MELTF: variants seen among roughly 807,000 people sequenced by gnomAD.
MELTF encodes antigen p97 (melanoma associated) identified by monoclonal antibodies 133.2 and 96.5.
In MELTF, 67 loss-of-function variants were observed where a neutral mutation model predicts 83.7. The observed-to-expected ratio is 0.80, with a 90% CI of 0.66 to 0.98. The LOEUF is 0.98. Ranked by LOEUF, MELTF falls within the 50% of genes least tolerant of loss-of-function variation. The pLI is 0.00. For missense variants in MELTF, 1,002 were observed against 1,035.6 expected (o/e 0.97, Z 0.44); for synonymous variants, 462 against 447.6 (o/e 1.03, Z -0.41).
At chr3:197,009,202 T>A (rs937995648) in intron 11 of MELTF, among the ~76,000 whole-genome samples, 3 of 152,194 alleles carry the variant, frequency 2.0e-5, no homozygotes, top group African/African-American at 7.2e-5. Context: ...AGCCTTCACT[T>A]GAACTCCCTC....
intron 9 of MELTF, 49 bp from the exon 10 acceptor site, chr3:197,010,843 T>G: frequency 1.3e-6 from 2 of 1,561,312 alleles, no homozygotes; most frequent in South Asian, 2.2e-5. Context: ...CCAGGATGGC[T>G]CTGGATGTCG....
rs1577922062 is a variant in MELTF, at chr3:197,003,411, C to G, written c.2178G>C (p.Leu726=). 13 of 1,105,414 alleles carry G rather than the reference C, an allele frequency of 1.2e-5. No homozygotes were observed. In the East Asian group the frequency reaches 6.7e-4, roughly 57 times the overall value. 68.5% of individuals were successfully genotyped at this position (1,105,414 alleles called of 1,614,324 possible). Residue 726 remains leucine, a synonymous_variant, in exon 16 of 16, where the codon CTG becomes CTC. Coordinates refer to ENST00000296350, the MANE Select transcript of MELTF (RefSeq NM_005929.6). The surrounding 1 kb of genome is among the most constrained non-coding windows in gnomAD (Gnocchi z 6.2). Reference sequence around the variant, plus strand: ...GGAGCAGGCGGGCGGCGAGGGCGGGCAGCAGCAGCGGGAGCAGGGGCGCCC... The same window carrying G: ...GGAGCAGGCGGGCGGCGAGGGCGGGGAGCAGCAGCGGGAGCAGGGGCGCCC... ...APGAPLLPLL[L]PALAARLLPP... is the part of the protein sequence containing the mutation.
chr3:197,011,559 G>C lies in MELTF; in HGVS notation c.1234-765C>G, dbSNP rs1719187866. 6.6e-6 allele frequency among the ~76,000 whole-genome samples: 1 copy of C among 152,176 alleles called. No homozygotes were observed. The highest frequency in any genetic ancestry group is 2.4e-5 in the African/African-American group (1 of 41,448). On this transcript the variant is annotated intron_variant, in intron 9 of 15. Transcript: ENST00000296350. This position sits in a 1 kb window ranked among gnomAD's most constrained non-coding sequence, Gnocchi z 4.2. ...GGTGTCCCACGCCATTCCTGAAGAGGCATGAAGTGATGGCGGTTAATAACA... is the reference window on the plus strand; with the variant it reads ...GGTGTCCCACGCCATTCCTGAAGAGCCATGAAGTGATGGCGGTTAATAACA...
intron 7 of MELTF, among the ~76,000 whole-genome samples, chr3:197,016,652 G>A (rs969183865): frequency 5.9e-5 from 9 of 152,248 alleles, no homozygotes; most frequent in South Asian, 2.1e-4. Context: ...AGGACACGCC[G>A]TGGGGCTGGT....
rs368990741 is a variant in MELTF at position 197,024,422 on chromosome 3, G to A, written c.368C>T (p.Thr123Ile). 4.0e-5 allele frequency: 64 copies of A among 1,610,602 alleles called. No homozygotes were observed. The African/African-American group carries it at 6.8e-4, about 17-fold the overall frequency. The change falls in exon 4 of 16, where the codon ACC (threonine) becomes ATC (isoleucine). Residue 123 changes from threonine to isoleucine, a missense_variant. By Grantham distance (89) the Thr-to-Ile change is moderately conservative. Coordinates refer to ENST00000296350, the MANE Select transcript of MELTF (RefSeq NM_005929.6). This position sits in a 1 kb window ranked among gnomAD's most constrained non-coding sequence, Gnocchi z 5.3. ...GTGGCAGGACTTCACGCCTTTCAGG[G>A]TGTCAATGGTCACATGGGAGCTCCT... Reference protein sequence around the residue: ...VRRSSHVTIDTLKGVKSCHTG... With the variant: ...VRRSSHVTIDILKGVKSCHTG...
Position 197,024,545 on chromosome 3 carries a change from A to G in MELTF, c.305-60T>C, listed in dbSNP as rs912308735. The G allele has an allele frequency of 6.8e-6, 10 of 1,465,856 alleles. No homozygotes were observed. Among genetic ancestry groups the G allele is most frequent in the African/African-American group, 1.4e-5 (1 of 71,060 alleles). 90.8% of individuals were successfully genotyped at this position (1,465,856 alleles called of 1,614,324 possible). A position where few individuals can be genotyped will look rare whatever the true frequency, so the allele number is the denominator to read the frequency against. ...GAGAGGCCTCGAGAGAGGCTGCACC[A>G]GCACCCTGCCTGGGCGGGCTGTGGG... On this transcript the variant is annotated intron_variant, in intron 3 of 15. Transcript: ENST00000296350. The surrounding 1 kb of genome is among the most constrained non-coding windows in gnomAD (Gnocchi z 5.3).
At position 197,006,200 on chromosome 3, in the gene MELTF, C is replaced by A. The variant is rs1228223365; in HGVS notation, c.1938+349G>T. Among the ~76,000 whole-genome samples, 1 of 149,756 alleles carries A rather than the reference C, an allele frequency of 6.7e-6. No homozygotes were observed. Among genetic ancestry groups the A allele is most frequent in the Non-Finnish European group, 1.5e-5 (1 of 67,644 alleles). ...AGTGCCACTGCACTCCAGCCTGGGG[C>A]GACAGAGTAAGACTCCGTCTCAAAA... On this transcript the variant is annotated intron_variant, in intron 14 of 15. Transcript: ENST00000296350. This position sits in a 1 kb window ranked among gnomAD's most constrained non-coding sequence, Gnocchi z 5.4.
In MELTF at chr3:197,029,581, C is replaced by A; in HGVS notation, c.49+73G>T. On this transcript the variant is annotated intron_variant, in intron 1 of 15. Transcript: ENST00000296350. The surrounding 1 kb of genome is among the most constrained non-coding windows in gnomAD (Gnocchi z 6.5). Reference sequence around the variant, plus strand: ...CGCAGGCTCAGGCACATTTCCAGCCCCGGGACCTGCTCAGCCGGGCCGCGG... The same window carrying A: ...CGCAGGCTCAGGCACATTTCCAGCCACGGGACCTGCTCAGCCGGGCCGCGG... 8.4e-7 allele frequency: 1 copy of A among 1,186,308 alleles called. No homozygotes were observed. Among genetic ancestry groups the A allele is most frequent in the South Asian group, 3.9e-5 (1 of 25,454 alleles). 73.5% of individuals were successfully genotyped at this position (1,186,308 alleles called of 1,614,324 possible). A position where few individuals can be genotyped will look rare whatever the true frequency, so the allele number is the denominator to read the frequency against.
rs1718843056 is a variant in MELTF at position 197,003,514 on chromosome 3, C to A, written c.2138-63G>T. ...GGCCGCGGTGGCCGCCTCAGGCGCC[C>A]GCTCTGGGGTGGGGGTGGGGGCATC... On this transcript the variant is annotated intron_variant, in intron 15 of 15. Coordinates refer to ENST00000296350, the MANE Select transcript of MELTF (RefSeq NM_005929.6). This position sits in a 1 kb window ranked among gnomAD's most constrained non-coding sequence, Gnocchi z 6.2. 1.6e-5 allele frequency: 2 copies of A among 121,966 alleles called. No homozygotes were observed. The highest frequency in any genetic ancestry group is 2.6e-5 in the Non-Finnish European group (2 of 78,418). 7.6% of individuals were successfully genotyped at this position (121,966 alleles called of 1,614,324 possible).
chr3:197,017,044 C>A, intron 7 of MELTF, 59 bp downstream of exon 7: 2 of 1,567,834 alleles, frequency 1.3e-6, no homozygotes, highest in African/African-American at 1.3e-5. Context: ...TGCTGAGCGA[C>A]CACAAGGCCC....
rs142432296 is a variant in MELTF, at chr3:197,017,199, C to T, written c.804G>A (p.Trp268Ter). 3 of 1,604,090 alleles carry T rather than the reference C, an allele frequency of 1.9e-6. No homozygotes were observed. Among genetic ancestry groups the T allele is most frequent in the African/African-American group, 2.7e-5 (2 of 75,022 alleles). Reference sequence around the variant, plus strand: ...GCACCCGGGCCAGATGGCACTGCCTCCACTCGGTGACATCGGCCCGGCTAC... The same window carrying T: ...GCACCCGGGCCAGATGGCACTGCCTTCACTCGGTGACATCGGCCCGGCTAC... ...RDGSRADVTE[W>*]RQCHLARVPA... The change falls in exon 7 of 16, where the codon TGG (tryptophan) becomes TGA (stop). Residue 268 changes from tryptophan (W) to a stop codon, truncating the protein, a stop_gained. Coordinates refer to ENST00000296350, the MANE Select transcript of MELTF (RefSeq NM_005929.6). LOFTEE classifies it high-confidence loss of function.
At position 197,002,144 on chromosome 3, in the gene MELTF, G is replaced by A. The variant is rs979512919; in HGVS notation, c.*1228C>T. 1.3e-5 allele frequency: 2 copies of A among 151,694 alleles called. No individual in the cohort carries two copies. The highest frequency in any genetic ancestry group is 1.3e-4 in the Admixed American group (2 of 15,264). The allele number at this position is 151,694 out of a possible 1,614,324, so 9.4% of individuals were successfully genotyped here. ...GGGGCGCTGCCAGGGCCTCCTCTGCGGCTGAGAGATGGAAGGGATCCTTCC... is the reference window on the plus strand; with the variant it reads ...GGGGCGCTGCCAGGGCCTCCTCTGCAGCTGAGAGATGGAAGGGATCCTTCC... On this transcript the variant is annotated 3_prime_UTR_variant, in exon 16 of 16. Coordinates refer to ENST00000296350, the MANE Select transcript of MELTF (RefSeq NM_005929.6).
At position 197,003,593 on chromosome 3, in the gene MELTF, C is replaced by T; in HGVS notation, c.2138-142G>A. On this transcript the variant is annotated intron_variant, in intron 15 of 15. Coordinates refer to ENST00000296350, the MANE Select transcript of MELTF (RefSeq NM_005929.6). The surrounding 1 kb of genome is among the most constrained non-coding windows in gnomAD (Gnocchi z 6.2). ...CTCTTTGTGCTCCTTTCCCCTGCTG[C>T]CCTTCCAGATGCGCTCTTTCCAGAA... 1.4e-6 allele frequency: 1 copy of T among 707,822 alleles called. No individual in the cohort carries two copies. Among genetic ancestry groups the T allele is most frequent in the Non-Finnish European group, 2.1e-6 (1 of 473,164 alleles). 43.8% of individuals were successfully genotyped at this position (707,822 alleles called of 1,614,324 possible). A position where few individuals can be genotyped will look rare whatever the true frequency, so the allele number is the denominator to read the frequency against.
In MELTF at chr3:197,003,570, C is replaced by G. The variant is rs1185125619; in HGVS notation, c.2138-119G>C. 8.2e-6 allele frequency: 6 copies of G among 735,126 alleles called. No homozygotes were observed. In the East Asian group the frequency reaches 2.1e-4, roughly 25 times the overall value. 45.5% of individuals were successfully genotyped at this position (735,126 alleles called of 1,614,324 possible). A position where few individuals can be genotyped will look rare whatever the true frequency, so the allele number is the denominator to read the frequency against. The stretch of plus-strand genomic sequence containing the variant: ...GGACCGAACTCGCCGCAGCCTCCCT[C>G]TTTGTGCTCCTTTCCCCTGCTGCCC... On this transcript the variant is annotated intron_variant, in intron 15 of 15. Coordinates refer to ENST00000296350, the MANE Select transcript of MELTF (RefSeq NM_005929.6). This position sits in a 1 kb window ranked among gnomAD's most constrained non-coding sequence, Gnocchi z 6.2.
chr3:197,011,220 T>G lies in MELTF; in HGVS notation c.1234-426A>C, dbSNP rs1023452234. Reference sequence around the variant, plus strand: ...CTGCAATGCCTGTCTGTTAAATGCGTGTACAGATGGAAGAATGACCGGATC... The same window carrying G: ...CTGCAATGCCTGTCTGTTAAATGCGGGTACAGATGGAAGAATGACCGGATC... On this transcript the variant is annotated intron_variant, in intron 9 of 15. Coordinates refer to ENST00000296350, the MANE Select transcript of MELTF (RefSeq NM_005929.6). The surrounding 1 kb of genome is among the most constrained non-coding windows in gnomAD (Gnocchi z 4.2). Among the ~76,000 whole-genome samples, 1 of 152,216 alleles carries G rather than the reference T, an allele frequency of 6.6e-6. No homozygotes were observed. The highest frequency in any genetic ancestry group is 1.9e-4 in the East Asian group (1 of 5,192).
chr3:197,024,446 C>T lies in MELTF; in HGVS notation c.344G>A (p.Arg115Lys). ...TSYYAVAVVR[R>K]SSHVTIDTLK... is the part of the protein sequence containing the mutation. ...GGTGTCAATGGTCACATGGGAGCTC[C>T]TCCTGACCACAGCCACGGCGTAATA... Residue 115 changes from arginine (R) to lysine (K), a missense_variant, in exon 4 of 16, where the codon AGG becomes AAG. Physicochemically the swap from Arg to Lys is conservative, Grantham distance 26. Transcript: ENST00000296350. This position sits in a 1 kb window ranked among gnomAD's most constrained non-coding sequence, Gnocchi z 5.3. 6.2e-7 allele frequency: 1 copy of T among 1,605,014 alleles called. No homozygotes were observed. Among genetic ancestry groups the T allele is most frequent in the Non-Finnish European group, 8.5e-7 (1 of 1,173,864 alleles).
In MELTF at chr3:197,024,019, T is replaced by C; in HGVS notation, c.487+284A>G. On this transcript the variant is annotated intron_variant, in intron 4 of 15. Transcript: ENST00000296350. This position sits in a 1 kb window ranked among gnomAD's most constrained non-coding sequence, Gnocchi z 5.3. ...AAGCACTCCTGGGAGATTCACTGCT[T>C]CCCACTCATGGGCTGGGCCTGTGCC... 1 of 633,222 alleles carries C rather than the reference T, an allele frequency of 1.6e-6. No homozygotes were observed. Among genetic ancestry groups the C allele is most frequent in the South Asian group, 1.5e-5 (1 of 65,406 alleles). 39.2% of individuals were successfully genotyped at this position (633,222 alleles called of 1,614,324 possible). A position where few individuals can be genotyped will look rare whatever the true frequency, so the allele number is the denominator to read the frequency against.
rs1718825330 is a variant in MELTF, at chr3:197,003,306, C to T, written c.*66G>A. The T allele has an allele frequency of 1.4e-5, 14 of 1,030,578 alleles. No homozygotes were observed. The highest frequency in any genetic ancestry group is 5.7e-5 in the Admixed American group (1 of 17,428). 63.8% of individuals were successfully genotyped at this position (1,030,578 alleles called of 1,614,324 possible). Reference sequence around the variant, plus strand: ...GCCTTCGCGAGCTTCCTTCTGGATTCCAGCGCGAAGCCGCCGCGGAAACTC... The same window carrying T: ...GCCTTCGCGAGCTTCCTTCTGGATTTCAGCGCGAAGCCGCCGCGGAAACTC... On this transcript the variant is annotated 3_prime_UTR_variant, in exon 16 of 16. Transcript: ENST00000296350. This position sits in a 1 kb window ranked among gnomAD's most constrained non-coding sequence, Gnocchi z 6.2.
intron 2 of MELTF, 163 bp from the exon 3 acceptor site, chr3:197,026,922 C>G (rs370010275): frequency 1.7e-6 from 1 of 586,972 alleles, no homozygotes; most frequent in East Asian, 2.8e-5. Flanking sequence ...GGCTCTCCCC[C>G]TTTCCCAGGC....
Sources: gnomAD v4.1 joint callset for allele counts (sites outside exome capture counted in the v4.1 genomes callset) on GRCh38, gnomAD v4.1.1 for gene constraint, Gnocchi (gnomAD v3.1) non-coding constraint, MANE v1.5 for transcripts, NCBI Gene and HGNC (gene_info 2026-07-23, HGNC 2026-07-21) for gene names.